The following PKM variants were observed in gnomAD, a reference collection of about 807,000 sequenced individuals.
The protein encoded by PKM is pyruvate kinase M1/2.
PKM carries 18 observed loss-of-function variants against 49.8 expected under a neutral mutation model. The ratio of observed to expected loss-of-function variants is 0.36; its 90% CI spans 0.25 to 0.54. The LOEUF is 0.54. Ranked by LOEUF, PKM falls within the 20% of genes least tolerant of loss-of-function variation. The probability of loss-of-function intolerance (pLI) is 0.89; values close to 1 mark genes in which losing one functional copy is unlikely to be tolerated. For missense variants in PKM, 508 were observed against 713.8 expected, an observed-to-expected ratio of 0.71 and a Z score of 3.28; for synonymous variants, 239 against 261.8, an observed-to-expected ratio of 0.91 and a Z score of 0.84.
At chr15:72,210,224 C>G in intron 4 of PKM, 123 bp downstream of exon 4, 4 of 984,494 alleles carry the variant, frequency 4.1e-6, no homozygotes, top group Non-Finnish European at 6.3e-6. Flanking sequence ...ATTTGTAGAC[C>G]TCAACTCCTC....
chr15:72,212,424 G>A (rs1369443587), intron 3 of PKM, among the ~76,000 whole-genome samples: 3 of 151,462 alleles, frequency 2.0e-5, no homozygotes, highest in Non-Finnish European at 2.9e-5. Context: ...GCAGTGAGCC[G>A]AGATCGTGCC....
intron 1 of PKM, among the ~76,000 whole-genome samples, chr15:72,219,619 T>C (rs2082470676): frequency 6.6e-6 from 1 of 152,162 alleles, no homozygotes; most frequent in South Asian, 2.1e-4. Flanking sequence ...TATTGCCTCT[T>C]TACAATCCTC....
intron 1 of PKM, among the ~76,000 whole-genome samples, chr15:72,225,171 C>T (rs867594652): frequency 1.3e-5 from 2 of 149,592 alleles, no homozygotes; most frequent in African/African-American, 4.9e-5. Context: ...CTCCTGACCT[C>T]GTGATCCGCC....
intron 1 of PKM, among the ~76,000 whole-genome samples, chr15:72,227,938 A>AC (rs1157137626): frequency 1.1e-4 from 17 of 152,096 alleles, no homozygotes. Flanking sequence ...TTTTCCTGTG[A>AC]CCCCACATCA....
At position 72,200,758 on chromosome 15, in the gene PKM, G is replaced by A; in HGVS notation, c.1308-103C>T. On this transcript the variant is annotated intron_variant, in intron 9 of 10. Transcript: ENST00000335181. The surrounding 1 kb of genome is among the most constrained non-coding windows in gnomAD (Gnocchi z 4.6). Reference sequence around the variant, plus strand: ...TCACCCTCTCATCCAGCTCACTGAGGGCTCTGGCCTCTTCAACATCTGCTC... The same window carrying A: ...TCACCCTCTCATCCAGCTCACTGAGAGCTCTGGCCTCTTCAACATCTGCTC... 4.0e-6 allele frequency: 4 copies of A among 1,011,558 alleles called. No individual in the cohort carries two copies. The highest frequency in any genetic ancestry group is 5.9e-6 in the Non-Finnish European group (4 of 682,638). The allele number at this position is 1,011,558 out of a possible 1,614,324, so 62.7% of individuals were successfully genotyped here. A position where few individuals can be genotyped will look rare whatever the true frequency, so the allele number is the denominator to read the frequency against.
At chr15:72,214,810 A>ATAAG (rs1266982135) in intron 3 of PKM, among the ~76,000 whole-genome samples, 18 of 152,014 alleles carry the variant, frequency 1.2e-4, no homozygotes. Context: ...AAATAAATAA[A>ATAAG]TAAATAAATA....
rs895539875 is a variant in PKM at position 72,199,406 on chromosome 15, G to C, written c.*244C>G. Reference sequence around the variant, plus strand: ...TCTGGCTCCAGGGGCCTCCAGTCCAGCATTCCTCCTTCTTCCCTTGATTGG... The same window carrying C: ...TCTGGCTCCAGGGGCCTCCAGTCCACCATTCCTCCTTCTTCCCTTGATTGG... On this transcript the variant is annotated 3_prime_UTR_variant, in exon 11 of 11. Coordinates refer to ENST00000335181, the MANE Select transcript of PKM (RefSeq NM_002654.6). The C allele has an allele frequency of 1.5e-6, 1 of 679,308 alleles. No individual in the cohort carries two copies. The highest frequency in any genetic ancestry group is 2.8e-5 in the East Asian group (1 of 35,374). 42.1% of individuals were successfully genotyped at this position (679,308 alleles called of 1,614,324 possible).
At chr15:72,224,105 C>A (rs2082598601) in intron 1 of PKM, among the ~76,000 whole-genome samples, 1 of 152,154 alleles carries the variant, frequency 6.6e-6, no homozygotes, top group Non-Finnish European at 1.5e-5. Context: ...TCAGAGACCC[C>A]TCAATGTCCT....
chr15:72,203,695 A>G (rs1024009194), intron 8 of PKM: 1 of 170,606 alleles, frequency 5.9e-6, no homozygotes, highest in African/African-American at 2.4e-5. Flanking sequence ...ATGGCCTGCC[A>G]TGGCAACAGA....
At chr15:72,208,590 T>G in intron 6 of PKM, 31 bp downstream of exon 6, 1 of 1,613,422 alleles carries the variant, frequency 6.2e-7, no homozygotes, top group South Asian at 1.1e-5. Flanking sequence ...AGAGCTGCGC[T>G]GGGACTGGAG....
Position 72,202,985 on chromosome 15 carries a change from G to A in PKM, c.1141-365C>T, listed in dbSNP as rs962721544. On this transcript the variant is annotated intron_variant, in intron 8 of 10. Coordinates refer to ENST00000335181, the MANE Select transcript of PKM (RefSeq NM_002654.6). This position sits in a 1 kb window ranked among gnomAD's most constrained non-coding sequence, Gnocchi z 4.5. ...CTAGAGCAGGTGGAGCAAGAGGCTG[G>A]TTATCCTAACAGTGTTACCTGCCCT... The A allele has an allele frequency of 3.7e-6, 6 of 1,602,876 alleles. No individual in the cohort carries two copies. Among genetic ancestry groups the A allele is most frequent in the Non-Finnish European group, 4.3e-6 (5 of 1,170,832 alleles).
At position 72,200,441 on chromosome 15, in the gene PKM, C is replaced by G; in HGVS notation, c.1489+33G>C. The G allele has an allele frequency of 6.2e-7, 1 of 1,607,868 alleles. No individual in the cohort carries two copies. The highest frequency in any genetic ancestry group is 1.1e-5 in the South Asian group (1 of 90,882). ...CCAATGCTCAAGCATCCCCAAGCTC[C>G]TCTAGGCTCTAGCCCCTGCTCCAGC... On this transcript the variant is annotated intron_variant, in intron 10 of 10. Transcript: ENST00000335181. This position sits in a 1 kb window ranked among gnomAD's most constrained non-coding sequence, Gnocchi z 4.6.
intron 8 of PKM, chr15:72,206,484 T>C: frequency 1.8e-6 from 1 of 553,238 alleles, no homozygotes; most frequent in Non-Finnish European, 3.2e-6. Context: ...TGGTGTCCAA[T>C]GAAGGAGGAT....
At chr15:72,207,361 C>A in intron 6 of PKM, 84 bp from the exon 7 acceptor site, 1 of 1,233,304 alleles carries the variant, frequency 8.1e-7, no homozygotes, top group Non-Finnish European at 1.2e-6. Context: ...CCCTGGGATT[C>A]CCTAACTTAG....
At chr15:72,213,490 G>A (rs925773927) in intron 3 of PKM, among the ~76,000 whole-genome samples, 1 of 152,218 alleles carries the variant, frequency 6.6e-6, no homozygotes, top group African/African-American at 2.4e-5. Context: ...GAGTGCAGTG[G>A]CGCGATCTTG....
intron 8 of PKM, chr15:72,203,891 AAC>A (rs2082007291): frequency 1.3e-5 from 2 of 152,498 alleles, no homozygotes; most frequent in Non-Finnish European, 1.5e-5. Flanking sequence ...TAATAATTAA[AAC>A]AGTCATGAGA....
At chr15:72,217,231 T>C (rs546333714) in intron 3 of PKM, among the ~76,000 whole-genome samples, 178 bp downstream of exon 3, 1 of 152,318 alleles carries the variant, frequency 6.6e-6, no homozygotes, top group African/African-American at 2.4e-5. Flanking sequence ...ACTCAGCCAG[T>C]TGCTTTGTCA....
At chr15:72,218,328 T>C (rs2082426821) in intron 2 of PKM, among the ~76,000 whole-genome samples, 1 of 152,110 alleles carries the variant, frequency 6.6e-6, no homozygotes, top group Admixed American at 6.5e-5. Flanking sequence ...GATTTCACCA[T>C]GTTGGCCAGG....
chr15:72,216,572 A>G (rs756798643), intron 3 of PKM, among the ~76,000 whole-genome samples: 2 of 152,224 alleles, frequency 1.3e-5, no homozygotes, highest in Admixed American at 6.5e-5. Flanking sequence ...CCAGTTAGCC[A>G]TAATCATACC....
Sources: gnomAD v4.1 joint callset for allele counts (sites outside exome capture counted in the v4.1 genomes callset) on GRCh38, gnomAD v4.1.1 for gene constraint, Gnocchi (gnomAD v3.1) non-coding constraint, MANE v1.5 for transcripts, NCBI Gene and HGNC (gene_info 2026-07-23, HGNC 2026-07-21) for gene names.